Variants in RSRC1 observed in about 807,000 individuals in gnomAD.
RSRC1 encodes the protein arginine and serine rich coiled-coil 1.
A neutral mutation model predicts 49.1 loss-of-function variants in RSRC1; 39 were observed. The ratio of observed to expected loss-of-function variants is 0.79; its 90% CI spans 0.61 to 1.04. RSRC1 has a LOEUF of 1.04. RSRC1 is among the 50% of genes least tolerant of loss of function. RSRC1 has a pLI of 0.00. For synonymous variants in RSRC1, 143 were observed against 130.8 expected (o/e 1.09, Z -0.63); for missense variants, 388 against 402.4 (o/e 0.96, Z 0.31).
intron 6 of RSRC1, among the ~76,000 whole-genome samples, chr3:158,401,150 C>T (rs754019443): frequency 4.6e-5 from 7 of 151,912 alleles, no homozygotes; most frequent in Admixed American, 1.3e-4. Context: ...GATTTGTGGA[C>T]GTACACCCTA....
chr3:158,139,770 A>T (rs972659223), intron 3 of RSRC1, among the ~76,000 whole-genome samples: 1 of 151,862 alleles, frequency 6.6e-6, no homozygotes, highest in Non-Finnish European at 1.5e-5. Flanking sequence ...AGTAGCTGAG[A>T]TGACAGGCGT....
At chr3:158,388,839 G>A (rs1007233145) in intron 6 of RSRC1, among the ~76,000 whole-genome samples, 1 of 152,084 alleles carries the variant, frequency 6.6e-6, no homozygotes, top group Non-Finnish European at 1.5e-5. Context: ...TCGATCTCCT[G>A]ACCTCATGAT....
chr3:158,418,511 G>T (rs1330692839), intron 6 of RSRC1, among the ~76,000 whole-genome samples: 1 of 151,926 alleles, frequency 6.6e-6, no homozygotes, highest in African/African-American at 2.4e-5. Flanking sequence ...TGATTCAGGG[G>T]TGGGTTTTTA....
chr3:158,175,736 A>G (rs752439478), intron 3 of RSRC1, among the ~76,000 whole-genome samples: 25 of 151,630 alleles, frequency 1.6e-4, no homozygotes, highest in Non-Finnish European at 3.1e-4. Flanking sequence ...TTGTAAGAAT[A>G]TGTTGGCAAA....
At chr3:158,518,547 G>T (rs774271182) in intron 7 of RSRC1, among the ~76,000 whole-genome samples, 7 of 151,878 alleles carry the variant, frequency 4.6e-5, no homozygotes, top group Non-Finnish European at 2.9e-5. Context: ...AGAAGTACCG[G>T]TAGAAGTATC....
chr3:158,503,952 G>A (rs908923092), intron 7 of RSRC1, among the ~76,000 whole-genome samples: 1 of 152,134 alleles, frequency 6.6e-6, no homozygotes, highest in African/African-American at 2.4e-5. Flanking sequence ...TCTCCCTGTG[G>A]TGTTTTTCCC....
At chr3:158,229,454 G>A (rs1722829303) in intron 4 of RSRC1, among the ~76,000 whole-genome samples, 1 of 149,698 alleles carries the variant, frequency 6.7e-6, no homozygotes, top group Non-Finnish European at 1.5e-5. Context: ...ACACGTATAT[G>A]TGTATGTATA....
At chr3:158,509,747 G>A (rs1172541781) in intron 7 of RSRC1, among the ~76,000 whole-genome samples, 1 of 152,114 alleles carries the variant, frequency 6.6e-6, no homozygotes, top group Non-Finnish European at 1.5e-5. Context: ...GTATACCATA[G>A]TGATAGTACT....
At chr3:158,115,788 A>G (rs1381459984) in intron 1 of RSRC1, among the ~76,000 whole-genome samples, 2 of 152,188 alleles carry the variant, frequency 1.3e-5, no homozygotes, top group African/African-American at 2.4e-5. Flanking sequence ...TGTGAAGCAA[A>G]TCTGGCTTTA....
intron 5 of RSRC1, among the ~76,000 whole-genome samples, chr3:158,350,412 G>A (rs1422227648): frequency 5.9e-5 from 9 of 151,900 alleles, no homozygotes; most frequent in Non-Finnish European, 1.2e-4. Flanking sequence ...GAGCTCAAGC[G>A]ATCTGCCCGC....
chr3:158,384,281 C>G (rs1280732870), intron 6 of RSRC1, among the ~76,000 whole-genome samples: 1 of 152,042 alleles, frequency 6.6e-6, no homozygotes, highest in Non-Finnish European at 1.5e-5. Flanking sequence ...GAAACAGTTA[C>G]CATGGAGATA....
chr3:158,461,061 T>C, intron 7 of RSRC1, 58 bp downstream of exon 7: 1 of 1,302,540 alleles, frequency 7.7e-7, no homozygotes, highest in Non-Finnish European at 1.1e-6. Context: ...ATTTCCTGAA[T>C]AGACCGTAGA....
intron 6 of RSRC1, among the ~76,000 whole-genome samples, chr3:158,369,762 T>C (rs1394465458): frequency 1.3e-5 from 2 of 152,082 alleles, no homozygotes; most frequent in Non-Finnish European, 2.9e-5. Flanking sequence ...CTTTGTTCTA[T>C]ATTTGTAAAG....
At chr3:158,419,058 C>A (rs1421487218) in intron 6 of RSRC1, among the ~76,000 whole-genome samples, 1 of 151,876 alleles carries the variant, frequency 6.6e-6, no homozygotes, top group East Asian at 1.9e-4. Flanking sequence ...AAGTACCTCC[C>A]GATGGAATTA....
At chr3:158,278,978 A>G (rs827099) in intron 4 of RSRC1, among the ~76,000 whole-genome samples, 72,439 of 152,008 alleles carry the variant, frequency 0.48, 17,821 homozygotes, top group East Asian at 0.64. Flanking sequence ...CACAGCTGTA[A>G]TGCCATTGTA....
At chr3:158,134,985 T>G (rs544162891) in intron 3 of RSRC1, among the ~76,000 whole-genome samples, 1 of 152,184 alleles carries the variant, frequency 6.6e-6, no homozygotes, top group Non-Finnish European at 1.5e-5. Flanking sequence ...ACATCAGTGG[T>G]GATTAATTTA....
At chr3:158,382,415 G>A (rs954641558) in intron 6 of RSRC1, among the ~76,000 whole-genome samples, 6 of 152,118 alleles carry the variant, frequency 3.9e-5, no homozygotes, top group Non-Finnish European at 7.4e-5. Context: ...GCTTTTATAT[G>A]CTGGGCAGCA....
chr3:158,119,016 G>A (rs976375951), intron 1 of RSRC1, among the ~76,000 whole-genome samples: 5 of 152,124 alleles, frequency 3.3e-5, no homozygotes, highest in African/African-American at 1.2e-4. Flanking sequence ...TGGCATCTCT[G>A]TCTTTTTTTA....
intron 4 of RSRC1, among the ~76,000 whole-genome samples, chr3:158,284,844 G>A (rs1186084666): frequency 4.0e-5 from 6 of 149,480 alleles, no homozygotes; most frequent in Non-Finnish European, 9.0e-5. Flanking sequence ...TTTGTAGGTT[G>A]CCTCTTCACT....
Sources: gnomAD v4.1 joint callset for allele counts (sites outside exome capture counted in the v4.1 genomes callset) on GRCh38, gnomAD v4.1.1 for gene constraint, MANE v1.5 for transcripts, NCBI Gene and HGNC (gene_info 2026-07-23, HGNC 2026-07-21) for gene names.